RNF168: variants seen among roughly 807,000 people sequenced by gnomAD.
The protein encoded by RNF168 is ring finger protein 168.
A neutral mutation model predicts 34.9 loss-of-function variants in RNF168; 34 were observed. That is an observed-to-expected ratio of 0.97 (90% CI 0.74 to 1.30). RNF168 has a LOEUF of 1.30. Ranked by LOEUF, RNF168 falls within the 50% of genes most tolerant of loss-of-function variation. RNF168 has a pLI of 0.00. For synonymous variants in RNF168, 264 were observed against 254.7 expected (o/e 1.04, Z -0.35); for missense variants, 725 against 682.5 (o/e 1.06, Z -0.69).
chr3:196,483,779 T>C lies in RNF168; in HGVS notation c.671A>G (p.Asp224Gly), dbSNP rs1231199353. ...KSKNKQRNTGDIQKYLTPKSQ... is the reference protein window; with the variant it reads ...KSKNKQRNTGGIQKYLTPKSQ... ...AGTCATGTTCACTTACTTCTGAATA[T>C]CTCCAGTGTTTCTTTGTTTGTTCTT... The change falls in exon 4 of 6, where the codon GAT becomes GGT. Residue 224 changes from aspartate (D) to glycine (G), a missense_variant. Transcript: ENST00000318037. 6.2e-7 allele frequency: 1 copy of C among 1,611,120 alleles called. No individual in the cohort carries two copies. Among genetic ancestry groups the C allele is most frequent in the African/African-American group, 1.3e-5 (1 of 74,890 alleles).
chr3:196,479,352 TG>T (rs1732233777), intron 4 of RNF168, among the ~76,000 whole-genome samples: 1 of 151,844 alleles, frequency 6.6e-6, no homozygotes, highest in Non-Finnish European at 1.5e-5. Flanking sequence ...TCACCAAGGC[TG>T]AAGTGCAGTA....
intron 3 of RNF168, among the ~76,000 whole-genome samples, chr3:196,486,004 C>A (rs565598362): frequency 6.6e-6 from 1 of 152,276 alleles, no homozygotes; most frequent in South Asian, 2.1e-4. Context: ...ACAGCATTCC[C>A]AGGTTACTCT....
rs949998350 is a variant in RNF168 at position 196,502,207 on chromosome 3, G to A, written c.301+666C>T. 1.3e-5 allele frequency among the ~76,000 whole-genome samples: 2 copies of A among 152,136 alleles called. 1 individual carries two copies. The highest frequency in any genetic ancestry group is 1.3e-4 in the Admixed American group (2 of 15,290). ...AGTTTGGGGCTCCTGAGTCTACCGGGTGCAGGGTTGAGTGATAAAAAAGCG... is the reference window on the plus strand; with the variant it reads ...AGTTTGGGGCTCCTGAGTCTACCGGATGCAGGGTTGAGTGATAAAAAAGCG... On this transcript the variant is annotated intron_variant, in intron 1 of 5. Transcript: ENST00000318037.
intron 1 of RNF168, among the ~76,000 whole-genome samples, chr3:196,501,029 C>CA (rs1312384992): frequency 5.3e-5 from 8 of 152,160 alleles, no homozygotes; most frequent in Non-Finnish European, 8.8e-5. Flanking sequence ...TTTTGACACA[C>CA]AGAGTTAAGA....
At chr3:196,482,590 A>G (rs1732324381) in intron 4 of RNF168, among the ~76,000 whole-genome samples, 1 of 152,196 alleles carries the variant, frequency 6.6e-6, no homozygotes, top group Non-Finnish European at 1.5e-5. Flanking sequence ...CAATTTCTCC[A>G]CATCTTTGTC....
chr3:196,493,978 A>G (rs920735328), intron 1 of RNF168, among the ~76,000 whole-genome samples: 20 of 148,908 alleles, frequency 1.3e-4, no homozygotes, highest in African/African-American at 4.7e-4. Context: ...TGAGCCTCCC[A>G]TGTAGCTGAG....
chr3:196,477,103 A>G (rs986114249), intron 4 of RNF168, among the ~76,000 whole-genome samples: 1 of 152,250 alleles, frequency 6.6e-6, no homozygotes, highest in African/African-American at 2.4e-5. Context: ...CACTGAAAAC[A>G]CTACGGTTTT....
Position 196,472,054 on chromosome 3 carries a change from G to T in RNF168, c.1481C>A (p.Pro494His), listed in dbSNP as rs35132476. 1 of 1,613,714 alleles carries T rather than the reference G, an allele frequency of 6.2e-7. No homozygotes were observed. The highest frequency in any genetic ancestry group is 8.5e-7 in the Non-Finnish European group (1 of 1,179,762). The change falls in exon 6 of 6, where the codon CCC (proline) becomes CAC (histidine). Residue 494 changes from proline (P) to histidine (H), a missense_variant. By Grantham distance (77) the Pro-to-His change is moderately conservative. Coordinates refer to ENST00000318037, the MANE Select transcript of RNF168 (RefSeq NM_152617.4). ...TTGCCTTTTGAAGTTCCCATCTTTGGGATTCTTCCTCTGTCCATTTAGCAC... is the reference window on the plus strand; with the variant it reads ...TTGCCTTTTGAAGTTCCCATCTTTGTGATTCTTCCTCTGTCCATTTAGCAC... ...DKVLNGQRKN[P>H]KDGNFKRQTH...
At position 196,483,872 on chromosome 3, in the gene RNF168, C is replaced by T. The variant is rs774159318; in HGVS notation, c.578G>A (p.Ser193Asn). 19 of 1,608,932 alleles carry T rather than the reference C, an allele frequency of 1.2e-5. No homozygotes were observed. The highest frequency in any genetic ancestry group is 1.4e-5 in the Non-Finnish European group (16 of 1,175,464). The part of the protein sequence containing the change: ...SIDINNFCEG[S>N]ISASPLNSRK... ...GGAATTCAAGGGAGAAGCCGAGATACTTCCCTCACAGAAATTGTTCTTCAA... is the reference window on the plus strand; with the variant it reads ...GGAATTCAAGGGAGAAGCCGAGATATTTCCCTCACAGAAATTGTTCTTCAA... Residue 193 changes from serine (S) to asparagine (N), a missense_variant, in exon 4 of 6, where the codon AGT becomes AAT. Physicochemically the swap from Ser to Asn is conservative, Grantham distance 46 (BLOSUM62 1). Transcript: ENST00000318037.
Position 196,472,406 on chromosome 3 carries a change from A to T in RNF168, c.1129T>A (p.Ser377Thr). 10 of 1,613,066 alleles carry T rather than the reference A, an allele frequency of 6.2e-6. No individual in the cohort carries two copies. The highest frequency in any genetic ancestry group is 8.5e-6 in the Non-Finnish European group (10 of 1,179,752). ...NNTGETENEESCLLISKEISK... is the reference protein window; with the variant it reads ...NNTGETENEETCLLISKEISK... ...ATCTCCTTACTGATCAGTAGGCACG[A>T]CTCTTCATTTTCTGTCTCACCTGTG... Residue 377 changes from serine (S) to threonine (T), a missense_variant, in exon 6 of 6, where the codon TCG (serine) becomes ACG (threonine). Ser to Thr is a moderately conservative substitution (Grantham distance 58). Transcript: ENST00000318037.
At chr3:196,489,113 C>T (rs1732530528) in intron 1 of RNF168, among the ~76,000 whole-genome samples, 1 of 152,144 alleles carries the variant, frequency 6.6e-6, no homozygotes. Context: ...GCCTTGGCCT[C>T]CCAAAGTGCT....
intron 4 of RNF168, 179 bp from the exon 5 acceptor site, chr3:196,475,491 G>A (rs1732123348): frequency 3.4e-6 from 2 of 589,510 alleles, no homozygotes; most frequent in Non-Finnish European, 6.1e-6. Flanking sequence ...TTAAATGATT[G>A]AGTATTGATA....
chr3:196,471,506 C>G lies in RNF168; in HGVS notation c.*313G>C, dbSNP rs1732005978. 3.1e-6 allele frequency: 1 copy of G among 325,572 alleles called. No individual in the cohort carries two copies. Among genetic ancestry groups the G allele is most frequent in the East Asian group, 6.5e-5 (1 of 15,366 alleles). The allele number at this position is 325,572 out of a possible 1,614,324, so 20.2% of individuals were successfully genotyped here. On this transcript the variant is annotated 3_prime_UTR_variant, in exon 6 of 6. Coordinates refer to ENST00000318037, the MANE Select transcript of RNF168 (RefSeq NM_152617.4). ...AAAAAGGTGAGCAAAGGCCATAAAA[C>G]ATGCAGTTTTTGGAAAGACAATGGC...
intron 1 of RNF168, among the ~76,000 whole-genome samples, chr3:196,493,676 C>T (rs1478791487): frequency 6.6e-6 from 1 of 152,034 alleles, no homozygotes; most frequent in Non-Finnish European, 1.5e-5. Flanking sequence ...CAGGCATGTC[C>T]CACCACGCCC....
Position 196,471,840 on chromosome 3 carries a change from C to T in RNF168, c.1695G>A (p.Met565Ile). 1 of 1,613,176 alleles carries T rather than the reference C, an allele frequency of 6.2e-7. No individual in the cohort carries two copies. Among genetic ancestry groups the T allele is most frequent in the South Asian group, 1.1e-5 (1 of 91,070 alleles). Residue 565 changes from methionine to isoleucine, a missense_variant, in exon 6 of 6, where the codon ATG becomes ATA. Transcript: ENST00000318037. Reference sequence around the variant, plus strand: ...GGCCTTACTTTGTGCATCTCTGAAACATCTGAAAAACACTTTTCTGTGAAA... The same window carrying T: ...GGCCTTACTTTGTGCATCTCTGAAATATCTGAAAAACACTTTTCTGTGAAA... ...PSISQKSVFQ[M>I]FQRCTK
chr3:196,471,980 T>C lies in RNF168; in HGVS notation c.1555A>G (p.Arg519Gly), dbSNP rs1365409949. The C allele has an allele frequency of 6.2e-7, 1 of 1,614,212 alleles. No individual in the cohort carries two copies. Among genetic ancestry groups the C allele is most frequent in the Admixed American group, 1.7e-5 (1 of 60,014 alleles). ...AACTGCATCTTTAAAGACACTTGCCTATTTTTGTCCCTTGAGCCTCTCTCT... is the reference window on the plus strand; with the variant it reads ...AACTGCATCTTTAAAGACACTTGCCCATTTTTGTCCCTTGAGCCTCTCTCT... ...TPERGSRDKN[R>G]QVSLKMQLKQ... is the part of the protein sequence containing the mutation. Residue 519 changes from arginine (R) to glycine (G), a missense_variant, in exon 6 of 6, where the codon AGG (arginine) becomes GGG (glycine). Transcript: ENST00000318037.
chr3:196,481,966 T>C (rs771711707), intron 4 of RNF168, among the ~76,000 whole-genome samples: 9,507 of 148,422 alleles, frequency 0.064, 373 homozygotes, highest in Middle Eastern at 0.2. Context: ...CCCTGGCTTT[T>C]TTTTTTTTTT....
intron 1 of RNF168, 74 bp from the exon 2 acceptor site, chr3:196,488,757 C>T (rs774487457): frequency 2.5e-5 from 23 of 903,494 alleles, no homozygotes; most frequent in Admixed American, 2.5e-4. Flanking sequence ...TCCATTAAAA[C>T]GAAAAATTAA....
intron 4 of RNF168, among the ~76,000 whole-genome samples, chr3:196,483,429 C>G (rs950610213): frequency 6.6e-6 from 1 of 152,156 alleles, no homozygotes; most frequent in Non-Finnish European, 1.5e-5. Flanking sequence ...GAAGAAATGA[C>G]AAATTGTAAA....
Sources: allele counts gnomAD v4.1 joint callset (sites outside exome capture counted in the v4.1 genomes callset), GRCh38; gene constraint gnomAD v4.1.1; transcripts MANE v1.5; gene names NCBI Gene and HGNC (gene_info 2026-07-23, HGNC 2026-07-21).